Variants in KALRN observed in about 807,000 individuals in gnomAD.
KALRN encodes kalirin.
Under a neutral mutation model 353.7 loss-of-function variants are expected in KALRN, and 70 were observed. The ratio of observed to expected loss-of-function variants is 0.20; its 90% CI spans 0.16 to 0.24. The LOEUF (loss-of-function observed/expected upper bound fraction) is 0.24, where lower values mean the gene tolerates loss of function less well. KALRN is among the 10% of genes least tolerant of loss of function. The pLI is 1.00. For missense variants in KALRN, 2,791 were observed against 3,756.7 expected (o/e 0.74, Z 6.72); for synonymous variants, 1,391 against 1,434.8 (o/e 0.97, Z 0.69).
chr3:124,049,717 GAA>G (rs1207784363), intron 1 of KALRN, among the ~76,000 whole-genome samples: 1 of 152,166 alleles, frequency 6.6e-6, no homozygotes, highest in African/African-American at 2.4e-5. Context: ...TTTGCTTTTG[GAA>G]AAGAGACATG....
At chr3:124,538,907 G>A (rs2068760678) in intron 33 of KALRN, among the ~76,000 whole-genome samples, 2 of 152,218 alleles carry the variant, frequency 1.3e-5, no homozygotes, top group African/African-American at 4.8e-5. Context: ...GAGAGTCAGT[G>A]GCTTGCCCAA....
chr3:124,643,986 A>G (rs2082404060), intron 37 of KALRN, among the ~76,000 whole-genome samples: 2 of 152,192 alleles, frequency 1.3e-5, no homozygotes, highest in Non-Finnish European at 1.5e-5. Flanking sequence ...TTAGTACCTA[A>G]AGAGTAGCTA....
intron 10 of KALRN, among the ~76,000 whole-genome samples, chr3:124,366,662 C>T (rs1353202808): frequency 2.6e-5 from 4 of 152,000 alleles, no homozygotes; most frequent in Admixed American, 6.5e-5. Context: ...CCTTTCCCCC[C>T]TTTCTATTCC....
chr3:124,456,758 G>T, intron 23 of KALRN, 30 bp downstream of exon 23: 1 of 1,511,760 alleles, frequency 6.6e-7, no homozygotes, highest in South Asian at 1.1e-5. Context: ...CAGCTAGCTG[G>T]CTCCCCGTGA....
In KALRN at chr3:124,461,968, A is replaced by G. The variant is rs2059905295; in HGVS notation, c.3921+12A>G. 6.3e-7 allele frequency: 1 copy of G among 1,597,816 alleles called. No individual in the cohort carries two copies. The highest frequency in any genetic ancestry group is 8.6e-7 in the Non-Finnish European group (1 of 1,165,468). On this transcript the variant is annotated intron_variant, in intron 24 of 59. Transcript: ENST00000682506. ...ATGAGTGCTTAGAGGTGAGTCTTCC[A>G]GTAATCCGTTCACAGCTATATTGGA...
At chr3:124,051,989 G>A (rs963067720) in intron 1 of KALRN, among the ~76,000 whole-genome samples, 4 of 152,198 alleles carry the variant, frequency 2.6e-5, no homozygotes, top group East Asian at 1.9e-4. Flanking sequence ...TCTCTAATGC[G>A]TCTTCCATCT....
At chr3:124,140,295 C>T (rs1168494008) in intron 1 of KALRN, among the ~76,000 whole-genome samples, 1 of 152,176 alleles carries the variant, frequency 6.6e-6, no homozygotes, top group Non-Finnish European at 1.5e-5. Flanking sequence ...AGTTATGCCT[C>T]ACAGGAGAAT....
chr3:124,414,643 G>T (rs1162505940), intron 14 of KALRN, among the ~76,000 whole-genome samples: 1 of 152,170 alleles, frequency 6.6e-6, no homozygotes, highest in African/African-American at 2.4e-5. Flanking sequence ...GATGTTAGAA[G>T]GAGAGAGCAC....
At chr3:124,703,193 T>C (rs2062429513) in intron 57 of KALRN, among the ~76,000 whole-genome samples, 1 of 152,200 alleles carries the variant, frequency 6.6e-6, no homozygotes, top group Middle Eastern at 3.2e-3. Context: ...CTTCTGCCTG[T>C]GTCTTAGGCA....
At chr3:124,686,858 A>G (rs1165237804) in intron 51 of KALRN, among the ~76,000 whole-genome samples, 1 of 118,552 alleles carries the variant, frequency 8.4e-6, no homozygotes, top group Non-Finnish European at 1.6e-5. Flanking sequence ...TCTGTCATCC[A>G]GGCTAGAGTG....
intron 1 of KALRN, among the ~76,000 whole-genome samples, chr3:124,131,045 A>G (rs75199188): frequency 0.034 from 5,188 of 152,282 alleles, 263 homozygotes; most frequent in African/African-American, 0.12. Flanking sequence ...TAACATATGC[A>G]GAAATTCACC....
intron 29 of KALRN, chr3:124,488,533 G>A (rs1380060786): frequency 3.4e-5 from 18 of 523,102 alleles, no homozygotes; most frequent in Admixed American, 6.4e-5. Flanking sequence ...CTAAGCCACT[G>A]GAGGTTATGT....
chr3:124,408,721 A>T (rs569565587), intron 13 of KALRN, among the ~76,000 whole-genome samples: 42 of 151,660 alleles, frequency 2.8e-4, no homozygotes, highest in African/African-American at 9.9e-4. Flanking sequence ...GTGGGGAAAA[A>T]AAAAAGGGAG....
At chr3:124,061,740 G>A (rs1437970749) in intron 1 of KALRN, among the ~76,000 whole-genome samples, 1 of 152,184 alleles carries the variant, frequency 6.6e-6, no homozygotes, top group African/African-American at 2.4e-5. Context: ...AGGAGCTGAG[G>A]TTTGGTGTGA....
intron 1 of KALRN, among the ~76,000 whole-genome samples, chr3:124,048,554 T>A (rs1200440486): frequency 1.3e-5 from 2 of 151,990 alleles, no homozygotes; most frequent in African/African-American, 2.4e-5. Flanking sequence ...CGATCTCGGC[T>A]CACTGCAAGC....
chr3:124,670,481 C>A (rs140671938), intron 47 of KALRN, among the ~76,000 whole-genome samples: 1 of 152,196 alleles, frequency 6.6e-6, no homozygotes, highest in Non-Finnish European at 1.5e-5. Context: ...GATGTGATGA[C>A]GGACCAGGGC....
At chr3:124,612,724 T>C (rs333322) in intron 34 of KALRN, among the ~76,000 whole-genome samples, 111,545 of 152,222 alleles carry the variant, frequency 0.73, 41,687 homozygotes, top group African/African-American at 0.87. Flanking sequence ...CTCTCTACCC[T>C]AACTAGAATG....
intron 5 of KALRN, among the ~76,000 whole-genome samples, chr3:124,288,068 T>C (rs1380211141): frequency 1.3e-5 from 2 of 151,812 alleles, no homozygotes; most frequent in African/African-American, 4.8e-5. Context: ...AGAGATGGGG[T>C]TTCGCCTTGT....
chr3:124,291,102 G>T (rs1467278350), intron 5 of KALRN, among the ~76,000 whole-genome samples: 1 of 152,210 alleles, frequency 6.6e-6, no homozygotes, highest in Non-Finnish European at 1.5e-5. Context: ...GCAGAGCAGT[G>T]CTTGCAGCAG....
Sources: allele counts gnomAD v4.1 joint callset (sites outside exome capture counted in the v4.1 genomes callset), GRCh38; gene constraint gnomAD v4.1.1; transcripts MANE v1.5; gene names NCBI Gene and HGNC (gene_info 2026-07-23, HGNC 2026-07-21).